DNAJC15: variants seen among roughly 807,000 people sequenced by gnomAD.
DNAJC15 encodes DnaJ heat shock protein family (Hsp40) member C15.
Under a neutral mutation model 22.4 loss-of-function variants are expected in DNAJC15, and 27 were observed. The ratio of observed to expected loss-of-function variants is 1.20; its 90% confidence interval spans 0.89 to 1.66. The LOEUF (loss-of-function observed/expected upper bound fraction) is 1.66. Ranked by LOEUF, DNAJC15 falls within the 40% of genes most tolerant of loss-of-function variation. The pLI, the probability that DNAJC15 is intolerant of heterozygous loss-of-function variation, is 0.00. For synonymous variants in DNAJC15, 79 were observed against 63.2 expected (o/e 1.25, Z -1.19); for missense variants, 208 against 187.1 (o/e 1.11, Z -0.65).
intron 5 of DNAJC15, among the ~76,000 whole-genome samples, chr13:43,100,642 A>T (rs1042301075): frequency 2.0e-5 from 3 of 152,166 alleles, no homozygotes; most frequent in Non-Finnish European, 4.4e-5. Context: ...ACAGTGTATT[A>T]TTTCTGTCCT....
chr13:43,049,145 A>G (rs909440158), intron 1 of DNAJC15, among the ~76,000 whole-genome samples: 8 of 152,210 alleles, frequency 5.3e-5, no homozygotes, highest in Non-Finnish European at 8.8e-5. Flanking sequence ...TCAAAGAAAC[A>G]GCAACATTTC....
At chr13:43,043,653 T>G in intron 1 of DNAJC15, among the ~76,000 whole-genome samples, 1 of 152,348 alleles carries the variant, frequency 6.6e-6, no homozygotes, top group Non-Finnish European at 1.5e-5. Context: ...CTAAGAGTTT[T>G]GTTTCCTAAC....
chr13:43,047,301 A>T (rs2040482990), intron 1 of DNAJC15, among the ~76,000 whole-genome samples: 1 of 152,254 alleles, frequency 6.6e-6, no homozygotes, highest in Non-Finnish European at 1.5e-5. Flanking sequence ...GTAAATGAGT[A>T]TTAACTAATG....
At chr13:43,099,804 A>G (rs928586469) in intron 5 of DNAJC15, among the ~76,000 whole-genome samples, 2 of 147,094 alleles carry the variant, frequency 1.4e-5, no homozygotes, top group African/African-American at 2.6e-5. Context: ...ATGTTTATAT[A>G]TTCTTTTTAT....
In DNAJC15 at chr13:43,109,413, CAA is replaced by C. The variant is rs1202597026; in HGVS notation, c.*2170_*2171del. 3 of 152,126 alleles carry C rather than the reference CAA, an allele frequency of 2.0e-5. No individual in the cohort carries two copies. Among genetic ancestry groups the C allele is most frequent in the Admixed American group, 6.6e-5 (1 of 15,260 alleles). 9.4% of individuals were successfully genotyped at this position (152,126 alleles called of 1,614,324 possible). On this transcript the variant is annotated 3_prime_UTR_variant, in exon 6 of 6. Transcript: ENST00000379221. Reference sequence around the variant, plus strand: ...TTGCTGTTTTCTGAATACTATGCATCAAAAAATGTTACCACTAATTTTTAAAG... The same window carrying C: ...TTGCTGTTTTCTGAATACTATGCATCAAAATGTTACCACTAATTTTTAAAG...
intron 5 of DNAJC15, among the ~76,000 whole-genome samples, chr13:43,106,872 T>A (rs1026365705): frequency 6.6e-6 from 1 of 151,936 alleles, no homozygotes; most frequent in Non-Finnish European, 1.5e-5. Flanking sequence ...TAGAAAATTC[T>A]CTGGTCAAAT....
intron 4 of DNAJC15, among the ~76,000 whole-genome samples, chr13:43,080,798 T>A (rs2040658362): frequency 6.6e-6 from 1 of 152,246 alleles, no homozygotes; most frequent in Admixed American, 6.5e-5. Context: ...TGGCTCCTGT[T>A]TCTTTCCATG....
chr13:43,027,268 G>A (rs1339443346), intron 1 of DNAJC15, among the ~76,000 whole-genome samples: 1 of 152,052 alleles, frequency 6.6e-6, no homozygotes, highest in South Asian at 2.1e-4. Flanking sequence ...AAGTTCCGGG[G>A]TACATGTGCT....
chr13:43,034,848 A>T (rs772377002), intron 1 of DNAJC15, among the ~76,000 whole-genome samples: 12 of 152,078 alleles, frequency 7.9e-5, no homozygotes, highest in Non-Finnish European at 1.8e-4. Context: ...ATGGTGCTCT[A>T]GGCTCATTTT....
At chr13:43,073,696 T>C (rs2040619303) in intron 3 of DNAJC15, among the ~76,000 whole-genome samples, 1 of 152,200 alleles carries the variant, frequency 6.6e-6, no homozygotes, top group Non-Finnish European at 1.5e-5. Flanking sequence ...CTAGGATTTC[T>C]TTAAACTTTC....
At chr13:43,037,158 C>A (rs1033297187) in intron 1 of DNAJC15, among the ~76,000 whole-genome samples, 1 of 152,196 alleles carries the variant, frequency 6.6e-6, no homozygotes. Context: ...CCAGACGGGC[C>A]GTAGCAGCCA....
intron 1 of DNAJC15, among the ~76,000 whole-genome samples, chr13:43,027,077 A>G (rs2040383804): frequency 6.6e-6 from 1 of 152,246 alleles, no homozygotes; most frequent in African/African-American, 2.4e-5. Context: ...AGTCATAATC[A>G]AACTTTGCAC....
intron 4 of DNAJC15, among the ~76,000 whole-genome samples, chr13:43,081,038 T>C (rs2040659347): frequency 1.3e-5 from 2 of 152,256 alleles, no homozygotes; most frequent in South Asian, 2.1e-4. Context: ...TTAAAAATAC[T>C]GTATGTGTTC....
chr13:43,093,497 G>A (rs889050702), intron 5 of DNAJC15, among the ~76,000 whole-genome samples: 1 of 152,042 alleles, frequency 6.6e-6, no homozygotes, highest in African/African-American at 2.4e-5. Context: ...TTCAGCCTCG[G>A]CCTCTCAGAC....
chr13:43,087,928 G>A (rs1311049580), intron 5 of DNAJC15, among the ~76,000 whole-genome samples: 1 of 152,140 alleles, frequency 6.6e-6, no homozygotes, highest in Admixed American at 6.5e-5. Flanking sequence ...AAAAAATAAT[G>A]CAGTAAAAAC....
intron 2 of DNAJC15, among the ~76,000 whole-genome samples, chr13:43,066,657 G>T (rs1051674470): frequency 6.6e-6 from 1 of 152,084 alleles, no homozygotes; most frequent in African/African-American, 2.4e-5. Context: ...ACGGAGTCTT[G>T]CTCTGCCCAG....
intron 1 of DNAJC15, among the ~76,000 whole-genome samples, chr13:43,061,767 C>CCCAT (rs1300672157): frequency 2.0e-5 from 3 of 152,220 alleles, no homozygotes; most frequent in African/African-American, 7.2e-5. Flanking sequence ...GGGATTTGCC[C>CCCAT]CCATGATCTA....
chr13:43,056,829 C>G (rs528096978), intron 1 of DNAJC15, among the ~76,000 whole-genome samples: 2 of 152,302 alleles, frequency 1.3e-5, no homozygotes, highest in East Asian at 3.9e-4. Flanking sequence ...AGAACAGCCA[C>G]TCCTGCTGGC....
intron 4 of DNAJC15, among the ~76,000 whole-genome samples, chr13:43,085,090 G>A (rs1209052814): frequency 6.6e-6 from 1 of 152,160 alleles, no homozygotes; most frequent in Non-Finnish European, 1.5e-5. Context: ...TGTGCCAGGC[G>A]TGGAGGCTTA....
Sources: allele counts gnomAD v4.1 joint callset (sites outside exome capture counted in the v4.1 genomes callset), GRCh38; gene constraint gnomAD v4.1.1; transcripts MANE v1.5; gene names NCBI Gene and HGNC (gene_info 2026-07-23, HGNC 2026-07-21).